Variants in CDH18 observed in about 807,000 individuals in gnomAD.
CDH18 encodes cadherin-18.
A neutral mutation model predicts 67.9 loss-of-function variants in CDH18; 31 were observed. The observed-to-expected ratio is 0.46, with a 90% confidence interval of 0.34 to 0.62. The LOEUF is 0.62. Ranked by LOEUF, CDH18 falls within the 20% of genes least tolerant of loss-of-function variation. CDH18 has a pLI of 0.01. For missense variants in CDH18, 890 were observed against 975.5 expected (o/e 0.91, Z 1.17); for synonymous variants, 362 against 347.2 (o/e 1.04, Z -0.48).
At chr5:19,474,087 A>G (rs895557474) in intron 12 of CDH18, among the ~76,000 whole-genome samples, 1 of 152,182 alleles carries the variant, frequency 6.6e-6, no homozygotes, top group Non-Finnish European at 1.5e-5. Flanking sequence ...AAAATAATGT[A>G]GTGAGCTGGT....
intron 1 of CDH18, among the ~76,000 whole-genome samples, chr5:20,548,685 A>T (rs982492763): frequency 6.6e-6 from 1 of 152,184 alleles, no homozygotes; most frequent in African/African-American, 2.4e-5. Flanking sequence ...TGACTGAAGA[A>T]TGCTGAAGTG....
chr5:20,278,497 C>CA lies in CDH18; in HGVS notation c.-579-22993dup, dbSNP rs1745980036. On this transcript the variant is annotated intron_variant, in intron 1 of 14. Transcript: ENST00000507958. ...TTTCTACAATATAAGACCTATCCTACAAAAAATGCTAAAGGGAGTTCTTCA... is the reference window on the plus strand; with the variant it reads ...TTTCTACAATATAAGACCTATCCTACAAAAAAATGCTAAAGGGAGTTCTTCA... 4.0e-5 allele frequency among the ~76,000 whole-genome samples: 6 copies of CA among 151,862 alleles called. 1 individual carries two copies. The South Asian group carries it at 1.2e-3, about 32-fold the overall frequency.
rs1554098639 is a variant in CDH18, at chr5:20,172,223, T to TACAC, written c.-518+83220_-518+83221insGTGT. On this transcript the variant is annotated intron_variant, in intron 2 of 14. Coordinates refer to the CDH18 transcript ENST00000507958. Reference sequence around the variant, plus strand: ...ATATATATATATATATATATATATATGTATATATATATATATGTATATATA... The same window carrying TACAC: ...ATATATATATATATATATATATATATACACGTATATATATATATATGTATATATA... 5.7e-4 allele frequency among the ~76,000 whole-genome samples: 25 copies of TACAC among 43,914 alleles called. 1 individual carries two copies. The highest frequency in any genetic ancestry group is 7.8e-4 in the African/African-American group (7 of 8,930). The allele number at this position is 43,914 out of a possible 152,430, so 28.8% of individuals were successfully genotyped here.
At chr5:20,223,983 A>G (rs974801239) in intron 2 of CDH18, among the ~76,000 whole-genome samples, 1 of 152,134 alleles carries the variant, frequency 6.6e-6, no homozygotes, top group Admixed American at 6.6e-5. Context: ...TTTGTATTTA[A>G]ATAGTAAAAT....
chr5:20,255,014 G>GAAC (rs568545808), intron 2 of CDH18, among the ~76,000 whole-genome samples: 5 of 152,068 alleles, frequency 3.3e-5, no homozygotes, highest in East Asian at 3.9e-4. Flanking sequence ...ATTAAATCAG[G>GAAC]AACAACAACA....
At chr5:20,563,493 C>T (rs1343467013) in intron 1 of CDH18, among the ~76,000 whole-genome samples, 2 of 148,586 alleles carry the variant, frequency 1.3e-5, no homozygotes, top group African/African-American at 2.5e-5. Context: ...TAAGTTCACT[C>T]GTTTTTTGTG....
intron 3 of CDH18, among the ~76,000 whole-genome samples, chr5:19,837,977 A>ACACATGCTTAAACT (rs1209992732): frequency 1.3e-5 from 2 of 152,142 alleles, no homozygotes; most frequent in Non-Finnish European, 2.9e-5. Flanking sequence ...AGCCTAGATG[A>ACACATGCTTAAACT]CACATGCTTA....
chr5:20,218,200 C>A (rs1002748986), intron 2 of CDH18, among the ~76,000 whole-genome samples: 16 of 152,034 alleles, frequency 1.1e-4, no homozygotes, highest in African/African-American at 3.4e-4. Flanking sequence ...TTTCATCCAA[C>A]AGGTGCAGAA....
chr5:20,523,110 T>C (rs1320135915), intron 1 of CDH18, among the ~76,000 whole-genome samples: 1 of 152,240 alleles, frequency 6.6e-6, no homozygotes, highest in Non-Finnish European at 1.5e-5. Context: ...TGTTTCATCT[T>C]TGTGCATGAT....
At chr5:20,516,331 A>C (rs1755365278) in intron 1 of CDH18, among the ~76,000 whole-genome samples, 1 of 152,002 alleles carries the variant, frequency 6.6e-6, no homozygotes, top group Non-Finnish European at 1.5e-5. Context: ...AGTGTGGAAA[A>C]AGCAGTTTGG....
At chr5:20,446,128 T>C (rs1407126140) in intron 1 of CDH18, among the ~76,000 whole-genome samples, 3 of 152,080 alleles carry the variant, frequency 2.0e-5, no homozygotes, top group African/African-American at 7.2e-5. Context: ...ATAATGAGCT[T>C]AGGGTAAAAT....
At chr5:19,615,526 T>C (rs572672243) in intron 5 of CDH18, among the ~76,000 whole-genome samples, 2 of 152,180 alleles carry the variant, frequency 1.3e-5, no homozygotes, top group Non-Finnish European at 2.9e-5. Context: ...TTTGATACTA[T>C]TGATGAGCCT....
At chr5:20,161,321 A>G (rs1024393514) in intron 2 of CDH18, among the ~76,000 whole-genome samples, 3 of 152,108 alleles carry the variant, frequency 2.0e-5, no homozygotes, top group African/African-American at 7.2e-5. Context: ...AGTTCAGTAG[A>G]CTTGTTTAAG....
intron 1 of CDH18, among the ~76,000 whole-genome samples, chr5:20,388,917 C>T (rs914602127): frequency 2.6e-5 from 4 of 152,072 alleles, no homozygotes; most frequent in African/African-American, 4.8e-5. Flanking sequence ...GTCTGAGAGA[C>T]AGTTTGTTAT....
chr5:19,740,705 C>T (rs1011405243), intron 4 of CDH18, among the ~76,000 whole-genome samples: 7 of 152,112 alleles, frequency 4.6e-5, no homozygotes, highest in African/African-American at 1.7e-4. Flanking sequence ...AAATCATTCA[C>T]TTGACAGCTA....
intron 1 of CDH18, among the ~76,000 whole-genome samples, chr5:20,502,557 A>G (rs1754401257): frequency 6.6e-6 from 1 of 152,228 alleles, no homozygotes; most frequent in Non-Finnish European, 1.5e-5. Flanking sequence ...TGCTTGTAAT[A>G]GATGCTGTTT....
chr5:19,514,249 T>G (rs1745576103), intron 10 of CDH18, among the ~76,000 whole-genome samples: 1 of 152,244 alleles, frequency 6.6e-6, no homozygotes, highest in Non-Finnish European at 1.5e-5. Context: ...CTATCATTGA[T>G]GGACATTTGG....
Position 20,279,352 on chromosome 5 carries a change from A to G in CDH18, c.-579-23847T>C, listed in dbSNP as rs965620442. Among the ~76,000 whole-genome samples the G allele has an allele frequency of 2.0e-5, 3 of 151,648 alleles. No individual in the cohort carries two copies. In the East Asian group the frequency reaches 6.1e-4, roughly 31 times the overall value. On this transcript the variant is annotated intron_variant, in intron 1 of 14. Coordinates refer to the CDH18 transcript ENST00000507958. ...AAAGTCAATTCAGCAACATGATGTA[A>G]TAATTATAAATATACACTCACCCCA...
chr5:19,516,524 AG>A (rs1746032553), intron 10 of CDH18, among the ~76,000 whole-genome samples: 1 of 152,094 alleles, frequency 6.6e-6, no homozygotes, highest in Admixed American at 6.6e-5. Flanking sequence ...CCTCAATTTC[AG>A]AGGCTGTTAT....
Sources: gnomAD v4.1 joint callset for allele counts (sites outside exome capture counted in the v4.1 genomes callset) on GRCh38, gnomAD v4.1.1 for gene constraint, MANE v1.5 for transcripts, NCBI Gene and HGNC (gene_info 2026-07-23, HGNC 2026-07-21) for gene names.